LRRC49: variants seen among roughly 807,000 people sequenced by gnomAD.
The protein encoded by LRRC49 is leucine-rich repeat-containing protein 49.
Under a neutral mutation model 83.3 loss-of-function variants are expected in LRRC49, and 50 were observed. That is an observed-to-expected ratio of 0.60 (90% CI 0.48 to 0.76). The LOEUF is 0.76. Ranked by LOEUF, LRRC49 falls within the 30% of genes least tolerant of loss-of-function variation. LRRC49 has a pLI of 0.00. For missense variants in LRRC49, 704 were observed against 809.1 expected (o/e 0.87, Z 1.58); for synonymous variants, 286 against 283.3 (o/e 1.01, Z -0.10).
chr15:70,986,272 AATGTTCTTC>A (rs1321489181), intron 11 of LRRC49, among the ~76,000 whole-genome samples: 6 of 152,026 alleles, frequency 3.9e-5, no homozygotes, highest in African/African-American at 1.2e-4. Context: ...ATGAGCATGG[AATGTTCTTC>A]TATTTGTTTG....
At chr15:70,992,181 C>T (rs960814931) in intron 11 of LRRC49, among the ~76,000 whole-genome samples, 2 of 152,206 alleles carry the variant, frequency 1.3e-5, no homozygotes, top group Non-Finnish European at 2.9e-5. Context: ...AAGGACTTCT[C>T]TACACTGGTT....
Position 70,984,141 on chromosome 15 carries a change from G to A in LRRC49, c.1053G>A (p.Leu351=), listed in dbSNP as rs1438884857. 1 of 1,611,200 alleles carries A rather than the reference G, an allele frequency of 6.2e-7. No homozygotes were observed. The highest frequency in any genetic ancestry group is 8.5e-7 in the Non-Finnish European group (1 of 1,178,150). ...TINNVARQWD[L]QQQRVANIAT... ...ACAACGTAGCTCGACAGTGGGACTT[G>A]CAACAACAACGAGTAGCCAATATTG... Residue 351 remains leucine (L), a synonymous_variant, in exon 11 of 16, where the codon TTG becomes TTA. Coordinates refer to ENST00000260382, the MANE Select transcript of LRRC49 (RefSeq NM_017691.5).
chr15:70,924,480 T>G (rs2035123375), intron 7 of LRRC49, among the ~76,000 whole-genome samples: 1 of 151,994 alleles, frequency 6.6e-6, no homozygotes, highest in African/African-American at 2.4e-5. Flanking sequence ...AATATACACT[T>G]GACTTAAATC....
intron 14 of LRRC49, among the ~76,000 whole-genome samples, chr15:71,013,478 C>G (rs1401826618): frequency 6.6e-5 from 10 of 152,162 alleles, no homozygotes; most frequent in Non-Finnish European, 1.2e-4. Flanking sequence ...ATTGGATTTA[C>G]ATTGTAGAAA....
intron 14 of LRRC49, among the ~76,000 whole-genome samples, chr15:71,022,848 G>GCA (rs2039036089): frequency 6.6e-6 from 1 of 152,146 alleles, no homozygotes; most frequent in Non-Finnish European, 1.5e-5. Flanking sequence ...CCCAGCAACT[G>GCA]CACATTCTTG....
upstream of LRRC49, chr15:70,892,317 G>A (rs1027103355): frequency 1.2e-5 from 19 of 1,550,004 alleles, no homozygotes; most frequent in African/African-American, 1.1e-4. Context: ...CTGGACCTTC[G>A]CCCTTGGGCA....
intron 15 of LRRC49, chr15:71,048,824 A>G (rs2039934592): frequency 2.2e-6 from 1 of 455,944 alleles, no homozygotes; most frequent in African/African-American, 2.0e-5. Flanking sequence ...CTGTTTCTTT[A>G]GAAGGCAACG....
At chr15:70,873,328 A>G (rs2033090044) in intron 2 of LRRC49, 2 of 1,258,730 alleles carry the variant, frequency 1.6e-6, no homozygotes, top group African/African-American at 1.5e-5. Flanking sequence ...AACTAAAGCT[A>G]TTATACAAGA....
At chr15:71,013,671 G>C (rs558576131) in intron 14 of LRRC49, among the ~76,000 whole-genome samples, 32 of 152,324 alleles carry the variant, frequency 2.1e-4, no homozygotes, top group African/African-American at 7.5e-4. Context: ...TGGTTGACCA[G>C]TCATGATTCA....
chr15:70,876,934 AC>A, intron 2 of LRRC49, among the ~76,000 whole-genome samples: 1 of 152,300 alleles, frequency 6.6e-6, no homozygotes, highest in Non-Finnish European at 1.5e-5. Context: ...TGTTCTGGCA[AC>A]ATTCTGCTTG....
intron 10 of LRRC49, among the ~76,000 whole-genome samples, chr15:70,981,175 TGC>T (rs2141222530): frequency 6.6e-6 from 1 of 152,266 alleles, no homozygotes; most frequent in South Asian, 2.1e-4. Context: ...TGCTGAGGAT[TGC>T]TCGTGCAACT....
chr15:70,890,091 T>C (rs1260375170), upstream of LRRC49, among the ~76,000 whole-genome samples: 6 of 152,246 alleles, frequency 3.9e-5, no homozygotes, highest in African/African-American at 1.4e-4. Context: ...CTGGATCTGT[T>C]TCCCAACGGT....
At chr15:70,891,918 T>C (rs1486087152), upstream of LRRC49, 2 of 1,613,688 alleles carry the variant, frequency 1.2e-6, no homozygotes, top group African/African-American at 2.7e-5. Context: ...TCAGAATGCC[T>C]GGCTGCCTGG....
At chr15:70,980,571 CG>C (rs368714518) in intron 10 of LRRC49, among the ~76,000 whole-genome samples, 1,794 of 144,260 alleles carry the variant, frequency 0.012, 22 homozygotes, top group Non-Finnish European at 0.017. Flanking sequence ...AGCTCTGCTA[CG>C]TTTTTTTTTT....
Position 70,875,659 on chromosome 15 carries a change from T to C in LRRC49, c.18+2436T>C, listed in dbSNP as rs1338730065. Among the ~76,000 whole-genome samples, 3 of 152,240 alleles carry C rather than the reference T, an allele frequency of 2.0e-5. No individual in the cohort carries two copies. The South Asian group carries it at 6.2e-4, about 32-fold the overall frequency. On this transcript the variant is annotated intron_variant, in intron 2 of 16. Coordinates refer to the LRRC49 transcript ENST00000544974. ...ATGTGCCCAGCAGTGTTCTAGGTTT[T>C]TCATATTGTAATCTTCTCAACAGAA...
intron 5 of LRRC49, among the ~76,000 whole-genome samples, chr15:70,910,892 C>T (rs28414692): frequency 0.56 from 85,283 of 151,850 alleles, 24,353 homozygotes; most frequent in Admixed American, 0.7. Flanking sequence ...CAAAATAATA[C>T]AATTTTAGGC....
intron 11 of LRRC49, chr15:70,984,527 C>G (rs1596099884): frequency 4.4e-6 from 1 of 228,964 alleles, no homozygotes; most frequent in Non-Finnish European, 8.4e-6. Context: ...CACTTCATCT[C>G]TTTTATCTCA....
chr15:70,882,513 T>C, intron 2 of LRRC49: 1 of 1,613,978 alleles, frequency 6.2e-7, no homozygotes, highest in Non-Finnish European at 8.5e-7. Context: ...TGTTCACTCT[T>C]GATATCCCAG....
At chr15:70,998,815 T>C (rs1015524642) in intron 11 of LRRC49, among the ~76,000 whole-genome samples, 2 of 152,098 alleles carry the variant, frequency 1.3e-5, no homozygotes, top group Admixed American at 1.3e-4. Context: ...ACTCCCATTA[T>C]GTTTATATTG....
Sources: allele counts gnomAD v4.1 joint callset (sites outside exome capture counted in the v4.1 genomes callset), GRCh38; gene constraint gnomAD v4.1.1; transcripts MANE v1.5; gene names NCBI Gene and HGNC (gene_info 2026-07-23, HGNC 2026-07-21).